The following SMYD3 variants were observed in gnomAD, a reference collection of about 807,000 sequenced individuals.
The protein encoded by SMYD3 is histone-lysine N-methyltransferase SMYD3.
SMYD3 carries 36 observed loss-of-function variants against 57.7 expected under a neutral mutation model. The observed-to-expected ratio is 0.62, with a 90% CI of 0.48 to 0.82. SMYD3 has a LOEUF of 0.82. Ranked by LOEUF, SMYD3 falls within the 40% of genes least tolerant of loss-of-function variation. The probability of loss-of-function intolerance (pLI) is 0.00; values close to 1 mark genes in which losing one functional copy is unlikely to be tolerated. For synonymous variants in SMYD3, 211 were observed against 195.0 expected, an observed-to-expected ratio of 1.08 and a Z score of -0.68; for missense variants, 515 against 538.8, an observed-to-expected ratio of 0.96 and a Z score of 0.44.
At chr1:245,957,661 C>T (rs983682237) in intron 5 of SMYD3, among the ~76,000 whole-genome samples, 2 of 152,150 alleles carry the variant, frequency 1.3e-5, no homozygotes, top group Non-Finnish European at 1.5e-5. Context: ...CTTTTTCAAA[C>T]AAAACGTATC....
chr1:246,408,005 T>C (rs1448593989), intron 1 of SMYD3, among the ~76,000 whole-genome samples: 1 of 151,890 alleles, frequency 6.6e-6, no homozygotes, highest in Non-Finnish European at 1.5e-5. Flanking sequence ...TTACAGATGG[T>C]GTTGCTGTGT....
intron 10 of SMYD3, among the ~76,000 whole-genome samples, chr1:245,845,729 T>C (rs1199690241): frequency 6.6e-6 from 1 of 152,264 alleles, no homozygotes; most frequent in Admixed American, 6.5e-5. Flanking sequence ...GAGCTGCTGC[T>C]TCCTTCTCTC....
intron 7 of SMYD3, among the ~76,000 whole-genome samples, chr1:245,924,390 T>A (rs545789381): frequency 2.0e-5 from 3 of 152,202 alleles, no homozygotes; most frequent in Non-Finnish European, 4.4e-5. Context: ...CAAAGTATTA[T>A]AAATGTTGCT....
chr1:245,914,938 G>T (rs2055291217), intron 8 of SMYD3, among the ~76,000 whole-genome samples: 1 of 152,120 alleles, frequency 6.6e-6, no homozygotes, highest in Admixed American at 6.5e-5. Flanking sequence ...GGTTATCAGG[G>T]GTTGGGGTAG....
chr1:246,448,728 A>G (rs867111161), intron 1 of SMYD3, among the ~76,000 whole-genome samples: 1 of 148,248 alleles, frequency 6.7e-6, no homozygotes, highest in African/African-American at 2.5e-5. Flanking sequence ...AAAAAAAAAA[A>G]GGACAAAATG....
chr1:246,025,867 C>A (rs1471036335), intron 5 of SMYD3: 1 of 152,392 alleles, frequency 6.6e-6, no homozygotes, highest in Non-Finnish European at 1.5e-5. Flanking sequence ...CACAGTGGCT[C>A]ATGCCTGTAA....
intron 5 of SMYD3, among the ~76,000 whole-genome samples, chr1:246,045,931 T>A (rs2059955987): frequency 6.6e-6 from 1 of 152,158 alleles, no homozygotes. Flanking sequence ...TGAGATACCA[T>A]CTCACACCAG....
intron 2 of SMYD3, among the ~76,000 whole-genome samples, chr1:246,343,350 G>C (rs147527913): frequency 6.6e-6 from 1 of 152,298 alleles, no homozygotes; most frequent in African/African-American, 2.4e-5. Context: ...CTCAAAACAA[G>C]TAATTATCAA....
chr1:245,931,980 C>T (rs2056750536), intron 5 of SMYD3, among the ~76,000 whole-genome samples: 1 of 152,142 alleles, frequency 6.6e-6, no homozygotes, highest in South Asian at 2.1e-4. Flanking sequence ...AGCAACAGTA[C>T]ATTGTCTATA....
At chr1:246,499,593 T>C (rs1193341729) in intron 1 of SMYD3, among the ~76,000 whole-genome samples, 1 of 151,796 alleles carries the variant, frequency 6.6e-6, no homozygotes, top group Non-Finnish European at 1.5e-5. Context: ...AGTAGCTTGA[T>C]TACAGGCATG....
At chr1:245,857,063 T>C (rs1365629000) in intron 10 of SMYD3, among the ~76,000 whole-genome samples, 1 of 152,334 alleles carries the variant, frequency 6.6e-6, no homozygotes, top group East Asian at 1.9e-4. Context: ...GGCATTTCAC[T>C]GCTCATGGGA....
chr1:245,894,809 G>A (rs1434524869), intron 8 of SMYD3, among the ~76,000 whole-genome samples: 1 of 152,150 alleles, frequency 6.6e-6, no homozygotes, highest in Non-Finnish European at 1.5e-5. Flanking sequence ...CTGAGCTGGA[G>A]GCTTATGAAG....
intron 1 of SMYD3, among the ~76,000 whole-genome samples, chr1:246,393,674 T>TAAAAAAAA (rs796510890): frequency 2.2e-5 from 2 of 92,426 alleles, no homozygotes; most frequent in African/African-American, 8.7e-5. Flanking sequence ...CCCCCATCTC[T>TAAAAAAAA]AAAAAAAAAA....
chr1:245,872,916 G>A (rs941374050), intron 8 of SMYD3, among the ~76,000 whole-genome samples: 19 of 152,166 alleles, frequency 1.2e-4, no homozygotes, highest in African/African-American at 3.1e-4. Flanking sequence ...GGCCTTTTCC[G>A]GCTACAGCCT....
At chr1:246,492,445 T>C (rs1298016948) in intron 1 of SMYD3, among the ~76,000 whole-genome samples, 1 of 151,684 alleles carries the variant, frequency 6.6e-6, no homozygotes, top group East Asian at 1.9e-4. Flanking sequence ...ATGGATAGGG[T>C]AGAAAGGGAC....
intron 5 of SMYD3, among the ~76,000 whole-genome samples, chr1:246,304,288 A>T (rs2064943521): frequency 6.6e-6 from 1 of 152,232 alleles, no homozygotes; most frequent in Admixed American, 6.5e-5. Context: ...ATCTGTATAA[A>T]GCAGGCAGCA....
Position 245,814,465 on chromosome 1 carries a change from T to C in SMYD3, c.1076+44031A>G, listed in dbSNP as rs1037326402. On this transcript the variant is annotated intron_variant, in intron 10 of 11. Coordinates refer to ENST00000490107, the MANE Select transcript of SMYD3 (RefSeq NM_001167740.2). ...CGAAAAAATAAACAATAAAAATAAA[T>C]AAATAAAATAAAAAGAATGCTACTG... The C allele has an allele frequency of 8.2e-6, 7 of 852,696 alleles. No homozygotes were observed. In the African/African-American group the frequency reaches 1.1e-4, roughly 13 times the overall value. 52.8% of individuals were successfully genotyped at this position (852,696 alleles called of 1,614,324 possible). A position where few individuals can be genotyped will look rare whatever the true frequency, so the allele number is the denominator to read the frequency against.
chr1:246,167,855 G>A (rs2148228024), intron 5 of SMYD3, among the ~76,000 whole-genome samples: 1 of 152,262 alleles, frequency 6.6e-6, no homozygotes, highest in South Asian at 2.1e-4. Context: ...TGATGATGAG[G>A]AGCATCTTTT....
At chr1:245,962,652 A>G (rs1052610712) in intron 5 of SMYD3, among the ~76,000 whole-genome samples, 1 of 151,966 alleles carries the variant, frequency 6.6e-6, no homozygotes, top group African/African-American at 2.4e-5. Context: ...GCGTCGAACA[A>G]TAAAGAGAAA....
Sources: allele counts gnomAD v4.1 joint callset (sites outside exome capture counted in the v4.1 genomes callset), GRCh38; gene constraint gnomAD v4.1.1; transcripts MANE v1.5; gene names NCBI Gene and HGNC (gene_info 2026-07-23, HGNC 2026-07-21).